ASTN2: variants seen among roughly 807,000 people sequenced by gnomAD.
ASTN2 encodes the protein astrotactin-2.
Under a neutral mutation model 139.8 loss-of-function variants are expected in ASTN2, and 54 were observed. The ratio of observed to expected loss-of-function variants is 0.39; its 90% CI spans 0.31 to 0.48. The LOEUF (loss-of-function observed/expected upper bound fraction) is 0.48, where lower values mean the gene tolerates loss of function less well. Ranked by LOEUF, ASTN2 falls within the 20% of genes least tolerant of loss-of-function variation. ASTN2 has a pLI of 0.95. For missense variants in ASTN2, 1,565 were observed against 1,725.1 expected, an observed-to-expected ratio of 0.91 and a Z score of 1.64; for synonymous variants, 756 against 719.5, an observed-to-expected ratio of 1.05 and a Z score of -0.81.
intron 16 of ASTN2, among the ~76,000 whole-genome samples, chr9:116,677,959 T>G (rs868809111): frequency 6.6e-6 from 1 of 152,190 alleles, no homozygotes; most frequent in Non-Finnish European, 1.5e-5. Flanking sequence ...TTTATATGTG[T>G]TGTATGTTTA....
intron 10 of ASTN2, among the ~76,000 whole-genome samples, chr9:116,964,634 T>C (rs1835964283): frequency 6.6e-6 from 1 of 152,178 alleles, no homozygotes; most frequent in Admixed American, 6.5e-5. Context: ...TTTATAATTG[T>C]TTAAACAAGC....
intron 20 of ASTN2, among the ~76,000 whole-genome samples, chr9:116,472,375 A>C (rs1356083988): frequency 6.6e-6 from 1 of 152,028 alleles, no homozygotes; most frequent in African/African-American, 2.4e-5. Context: ...CACCTCCCCA[A>C]AGGCACACTA....
chr9:116,452,581 T>A (rs1275672512), intron 20 of ASTN2, among the ~76,000 whole-genome samples: 1 of 152,238 alleles, frequency 6.6e-6, no homozygotes, highest in Non-Finnish European at 1.5e-5. Flanking sequence ...GTCTTCTGTT[T>A]CCTTTACAAC....
intron 19 of ASTN2, among the ~76,000 whole-genome samples, chr9:116,498,561 G>T (rs1849747582): frequency 6.6e-6 from 1 of 151,836 alleles, no homozygotes; most frequent in Admixed American, 6.6e-5. Flanking sequence ...CTGTGCCACT[G>T]CACTCCAGCC....
At chr9:116,676,689 C>T (rs989469011) in intron 16 of ASTN2, among the ~76,000 whole-genome samples, 3 of 152,170 alleles carry the variant, frequency 2.0e-5, no homozygotes, top group African/African-American at 7.2e-5. Context: ...CTCTAGGCTC[C>T]TTCTAGGAAA....
intron 16 of ASTN2, among the ~76,000 whole-genome samples, chr9:116,657,335 A>G (rs769172688): frequency 6.6e-6 from 1 of 152,234 alleles, no homozygotes; most frequent in Non-Finnish European, 1.5e-5. Flanking sequence ...TAAGCACTCA[A>G]TAAATATTAT....
intron 11 of ASTN2, among the ~76,000 whole-genome samples, chr9:116,827,313 C>CAAAAAAAAAAAAAAAAAAAAAAA (rs141242698): frequency 1.3e-5 from 1 of 79,480 alleles, no homozygotes; most frequent in African/African-American, 5.1e-5. Context: ...CCATCCCCCC[C>CAAAAAAAAAAAAAAAAAAAAAAA]AAAAAAAAAA....
At chr9:116,866,171 T>C (rs1325469175) in intron 10 of ASTN2, among the ~76,000 whole-genome samples, 4 of 152,212 alleles carry the variant, frequency 2.6e-5, no homozygotes, top group Admixed American at 1.3e-4. Flanking sequence ...ATTTATTCAT[T>C]TCTCTTTAGT....
At chr9:117,241,258 C>G (rs1473447766) in intron 2 of ASTN2, among the ~76,000 whole-genome samples, 1 of 152,138 alleles carries the variant, frequency 6.6e-6, no homozygotes, top group Non-Finnish European at 1.5e-5. Flanking sequence ...TCATTTTTAG[C>G]TAGAAGAAAA....
chr9:117,057,224 A>C (rs189401462), intron 5 of ASTN2, among the ~76,000 whole-genome samples: 3 of 152,306 alleles, frequency 2.0e-5, no homozygotes, highest in African/African-American at 7.2e-5. Flanking sequence ...GCCAGCAATG[A>C]TACATCTAAG....
intron 1 of ASTN2, among the ~76,000 whole-genome samples, chr9:117,305,695 A>G (rs1834981454): frequency 1.3e-5 from 2 of 152,208 alleles, no homozygotes; most frequent in South Asian, 4.1e-4. Context: ...GTAAAATGTA[A>G]CCACTTAATC....
intron 10 of ASTN2, among the ~76,000 whole-genome samples, chr9:116,870,110 A>G (rs1281301242): frequency 1.3e-5 from 2 of 152,120 alleles, no homozygotes; most frequent in African/African-American, 4.8e-5. Flanking sequence ...CCCATGTGAC[A>G]CAGTGAGACC....
Position 116,820,664 on chromosome 9 carries a change from C to T in ASTN2, c.2160G>A (p.Leu720=), listed in dbSNP as rs759401478. Residue 720 remains leucine, a synonymous_variant, in exon 12 of 23, where the codon CTG becomes CTA. Coordinates refer to ENST00000313400, the MANE Select transcript of ASTN2 (RefSeq NM_001365068.1). ...GCEQLCLQQT[L]PLPYDATSST... is the part of the protein sequence containing the mutation. ...TCGAAGTGGCATCGTAGGGCAGGGG[C>T]AGCGTCTGCTGCAGGCACAGCTGCT... 8.7e-6 allele frequency: 14 copies of T among 1,614,050 alleles called. No individual in the cohort carries two copies.
intron 19 of ASTN2, among the ~76,000 whole-genome samples, chr9:116,508,268 G>A (rs946183779): frequency 1.3e-5 from 2 of 152,206 alleles, no homozygotes; most frequent in Non-Finnish European, 2.9e-5. Context: ...AAGCTGTCTT[G>A]AGGATCAGCA....
rs553705442 is a variant in ASTN2 at position 116,511,039 on chromosome 9, G to C, written c.3356-23539C>G. On this transcript the variant is annotated intron_variant, in intron 19 of 22. Transcript: ENST00000313400. ...CCCTGGCCAGAATTTCCAACGCTGT[G>C]TTCAATAGGAGTGGTGAGAGAGGGC... Among the ~76,000 whole-genome samples, 4 of 152,258 alleles carry C rather than the reference G, an allele frequency of 2.6e-5. No individual in the cohort carries two copies. The South Asian group carries it at 8.3e-4, about 32-fold the overall frequency.
chr9:117,025,884 C>T (rs1427010928), intron 6 of ASTN2, among the ~76,000 whole-genome samples: 1 of 151,566 alleles, frequency 6.6e-6, no homozygotes, highest in East Asian at 1.9e-4. Context: ...CTCCACCTCC[C>T]AGGTTCAAGT....
chr9:116,532,079 C>T (rs1422491565), intron 19 of ASTN2, among the ~76,000 whole-genome samples: 1 of 152,196 alleles, frequency 6.6e-6, no homozygotes, highest in Non-Finnish European at 1.5e-5. Context: ...GAGATGGTAT[C>T]GCATTGTAGT....
rs540434637 is a variant in ASTN2, at chr9:116,553,077, C to T, written c.3355+65247G>A. ...CCTGGCTGCATATCTTAAAAGATGT[C>T]TGAGTTAGGCTTAGGCAAAATCTCC... On this transcript the variant is annotated intron_variant, in intron 19 of 22. Transcript: ENST00000313400. 2.6e-5 allele frequency among the ~76,000 whole-genome samples: 4 copies of T among 152,218 alleles called. No individual in the cohort carries two copies. In the South Asian group the frequency reaches 8.3e-4, roughly 32 times the overall value.
chr9:116,754,032 C>G (rs777460359), intron 13 of ASTN2, among the ~76,000 whole-genome samples: 1 of 146,312 alleles, frequency 6.8e-6, no homozygotes, highest in Non-Finnish European at 1.5e-5. Context: ...TCATTGTTCA[C>G]CTCCCACTTA....
Sources: gnomAD v4.1 joint callset for allele counts (sites outside exome capture counted in the v4.1 genomes callset) on GRCh38, gnomAD v4.1.1 for gene constraint, MANE v1.5 for transcripts, NCBI Gene and HGNC (gene_info 2026-07-23, HGNC 2026-07-21) for gene names.